Variants in ADH6 observed in about 807,000 individuals in gnomAD.
ADH6 encodes alcohol dehydrogenase 6.
A neutral mutation model predicts 36.5 loss-of-function variants in ADH6; 34 were observed. The observed-to-expected ratio is 0.93, with a 90% CI of 0.71 to 1.24. The LOEUF (loss-of-function observed/expected upper bound fraction) is 1.24, where lower values mean the gene tolerates loss of function less well. Ranked by LOEUF, ADH6 falls within the 50% of genes most tolerant of loss-of-function variation. The probability of loss-of-function intolerance (pLI) is 0.00; values close to 1 mark genes in which losing one functional copy is unlikely to be tolerated. For synonymous variants in ADH6, 161 were observed against 155.5 expected, an observed-to-expected ratio of 1.04 and a Z score of -0.26; for missense variants, 440 against 447.0, an observed-to-expected ratio of 0.98 and a Z score of 0.14.
chr4:99,214,330 T>C (rs1731327180), intron 2 of ADH6, among the ~76,000 whole-genome samples: 1 of 152,132 alleles, frequency 6.6e-6, no homozygotes, highest in Non-Finnish European at 1.5e-5. Flanking sequence ...AGTTCGAGGC[T>C]GCAGTGAGCT....
rs1731298526 is a variant in ADH6 at position 99,213,553 on chromosome 4, T to C, written c.262+53A>G. ...TACTTAAGGGGTGCTTATCATTTTC[T>C]CGAGTTGGTTCCAAGTTGTTGCTGT... is the stretch of plus-strand genomic sequence containing the variant. On this transcript the variant is annotated intron_variant, in intron 3 of 8. Transcript: ENST00000394899. 6 of 1,430,590 alleles carry C rather than the reference T, an allele frequency of 4.2e-6. No individual in the cohort carries two copies. The Admixed American group carries it at 1.6e-4, about 37-fold the overall frequency. 88.6% of individuals were successfully genotyped at this position (1,430,590 alleles called of 1,614,324 possible). A position where few individuals can be genotyped will look rare whatever the true frequency, so the allele number is the denominator to read the frequency against.
In ADH6 at chr4:99,210,109, C is replaced by T. The variant is rs61750824; in HGVS notation, c.540G>A (p.Gly180=). 2.1e-3 allele frequency: 3,374 copies of T among 1,613,690 alleles called. 7 individuals are homozygous for T. The highest frequency in any genetic ancestry group is 2.6e-3 in the Non-Finnish European group (3,077 of 1,179,736). ...VCLISCGFST[G]FGAAINTAKV... ...TGGCAGTATTGATTGCAGCACCAAA[C>T]CCAGTGGAAAAGCCACAGCTAATTA... Residue 180 remains glycine, a synonymous_variant, in exon 5 of 9, where the codon GGG becomes GGA. Transcript: ENST00000394899.
chr4:99,205,476 C>T (rs1730996376), intron 7 of ADH6, among the ~76,000 whole-genome samples: 1 of 152,068 alleles, frequency 6.6e-6, no homozygotes, highest in Non-Finnish European at 1.5e-5. Flanking sequence ...TTTTGATCTG[C>T]CACTTCATAA....
In ADH6 at chr4:99,216,158, T is replaced by A. The variant is rs1560809571; in HGVS notation, c.120+3A>T. On this transcript the variant is annotated splice_donor_region_variant and intron_variant, in intron 2 of 8. Transcript: ENST00000394899. ...TGATTTTTTTTTTTTTTTTTTTTTTTACCTTTATGCGAACTTCCTTTGCCT... is the reference window on the plus strand; with the variant it reads ...TGATTTTTTTTTTTTTTTTTTTTTTAACCTTTATGCGAACTTCCTTTGCCT... 10 of 1,302,012 alleles carry A rather than the reference T, an allele frequency of 7.7e-6. No individual in the cohort carries two copies. The highest frequency in any genetic ancestry group is 2.3e-4 in the Middle Eastern group (1 of 4,392). 80.7% of individuals were successfully genotyped at this position (1,302,012 alleles called of 1,614,324 possible). A position where few individuals can be genotyped will look rare whatever the true frequency, so the allele number is the denominator to read the frequency against.
rs757350119 is a variant in ADH6 at position 99,208,794 on chromosome 4, C to T, written c.702G>A (p.Gln234=). Residue 234 remains glutamine (Q), a synonymous_variant, in exon 6 of 9, where the codon CAG becomes CAA. Transcript: ENST00000394899. ...DVNKEKFKKA[Q]ELGATECLNP... is the part of the protein sequence containing the mutation. ...TGAGGCACTCAGTAGCACCCAATTCCTGTGCCTTCTTAAATTTCTCCTTGT... is the reference window on the plus strand; with the variant it reads ...TGAGGCACTCAGTAGCACCCAATTCTTGTGCCTTCTTAAATTTCTCCTTGT... 11 of 1,613,792 alleles carry T rather than the reference C, an allele frequency of 6.8e-6. No individual in the cohort carries two copies. The highest frequency in any genetic ancestry group is 9.3e-6 in the Non-Finnish European group (11 of 1,179,782).
intron 8 of ADH6, 65 bp downstream of exon 8, chr4:99,204,860 C>T (rs1307504809): frequency 3.9e-6 from 6 of 1,525,064 alleles, no homozygotes; most frequent in Non-Finnish European, 5.3e-6. Flanking sequence ...CTTCTACTCC[C>T]AAGCCAATAC....
intron 7 of ADH6, among the ~76,000 whole-genome samples, chr4:99,206,033 A>C (rs1252278516): frequency 6.6e-6 from 1 of 152,058 alleles, no homozygotes; most frequent in Non-Finnish European, 1.5e-5. Context: ...GTATATTTCT[A>C]TTTGTTTTTA....
At chr4:99,207,343 A>C (rs1296370624) in intron 7 of ADH6, 103 bp downstream of exon 7, 2 of 1,477,220 alleles carry the variant, frequency 1.4e-6, no homozygotes, top group African/African-American at 2.8e-5. Flanking sequence ...TCTGTAATAT[A>C]AAGCTGTTGT....
At chr4:99,211,145 T>C (rs1163679183) in intron 3 of ADH6, among the ~76,000 whole-genome samples, 1 of 137,068 alleles carries the variant, frequency 7.3e-6, no homozygotes, top group East Asian at 1.9e-4. Flanking sequence ...TTTCTTCTAT[T>C]TTATTTATTT....
intron 5 of ADH6, among the ~76,000 whole-genome samples, chr4:99,209,553 G>T (rs1731153213): frequency 6.6e-6 from 1 of 152,090 alleles, no homozygotes; most frequent in South Asian, 2.1e-4. Context: ...TTCAATAGCA[G>T]CCCATTCAGC....
Position 99,203,955 on chromosome 4 carries a change from T to C in ADH6, c.*264A>G. 2.3e-6 allele frequency: 1 copy of C among 434,978 alleles called. No individual in the cohort carries two copies. The highest frequency in any genetic ancestry group is 4.0e-6 in the Non-Finnish European group (1 of 247,172). 26.9% of individuals were successfully genotyped at this position (434,978 alleles called of 1,614,324 possible). ...GCATCTTGCATTGACCTTTTATGTC[T>C]GAAGGATGTGGAGTTGAGTGATTCA... is the stretch of plus-strand genomic sequence containing the variant. On this transcript the variant is annotated 3_prime_UTR_variant, in exon 9 of 9. Coordinates refer to ENST00000394899, the MANE Select transcript of ADH6 (RefSeq NM_001102470.2).
At position 99,213,693 on chromosome 4, in the gene ADH6, A is replaced by G. The variant is rs773239559; in HGVS notation, c.175T>C (p.Leu59=). ...AAGATGGTGGGATACAAGAGGTCCA[A>G]GTGTTTACTCCCCAACACTTTCATC... ...TEMKVLGSKH[L]DLLYPTILGH... Residue 59 remains leucine, a synonymous_variant, in exon 3 of 9, where the codon TTG becomes CTG. Coordinates refer to ENST00000394899, the MANE Select transcript of ADH6 (RefSeq NM_001102470.2). 11 of 1,613,888 alleles carry G rather than the reference A, an allele frequency of 6.8e-6. No homozygotes were observed. Among genetic ancestry groups the G allele is most frequent in the Admixed American group, 3.3e-5 (2 of 59,958 alleles).
In ADH6 at chr4:99,219,162, C is replaced by G. The variant is rs760300700; in HGVS notation, c.-10G>C. 6.2e-7 allele frequency: 1 copy of G among 1,610,350 alleles called. No homozygotes were observed. Among genetic ancestry groups the G allele is most frequent in the South Asian group, 1.1e-5 (1 of 90,972 alleles). On this transcript the variant is annotated 5_prime_UTR_variant, in exon 1 of 9. Transcript: ENST00000394899. ...GGCCTGTAGTACTCATGCTGATTTTCTCCACCGCAGATGAATTTATTGAGA... is the reference window on the plus strand; with the variant it reads ...GGCCTGTAGTACTCATGCTGATTTTGTCCACCGCAGATGAATTTATTGAGA...
intron 7 of ADH6, among the ~76,000 whole-genome samples, chr4:99,205,739 A>G (rs17219626): frequency 0.14 from 20,594 of 152,142 alleles, 1,648 homozygotes; most frequent in Non-Finnish European, 0.18. Flanking sequence ...GTGAGTTACC[A>G]CACAGACTTT....
chr4:99,215,987 A>T, intron 2 of ADH6, 174 bp downstream of exon 2: 1 of 418,526 alleles, frequency 2.4e-6, no homozygotes. Context: ...CTAACCTTTT[A>T]TCTGGCTGGA....
intron 7 of ADH6, among the ~76,000 whole-genome samples, chr4:99,206,720 C>T (rs1293854502): frequency 6.6e-6 from 1 of 152,076 alleles, no homozygotes; most frequent in African/African-American, 2.4e-5. Context: ...CTCTAATTCT[C>T]ATCTCTTTTT....
chr4:99,207,605 G>T, intron 6 of ADH6, 24 bp from the exon 7 acceptor site: 1 of 1,608,074 alleles, frequency 6.2e-7, no homozygotes, highest in Non-Finnish European at 8.5e-7. Flanking sequence ...ATGCAATACA[G>T]TATAGGGGTT....
intron 3 of ADH6, among the ~76,000 whole-genome samples, chr4:99,210,765 C>G (rs1893882): frequency 0.14 from 21,424 of 152,118 alleles, 1,717 homozygotes; most frequent in Non-Finnish European, 0.18. Context: ...AGCTCCTTTT[C>G]AAGTATGAAA....
intron 3 of ADH6, among the ~76,000 whole-genome samples, chr4:99,211,639 A>C (rs1731228755): frequency 6.6e-6 from 1 of 152,186 alleles, no homozygotes; most frequent in African/African-American, 2.4e-5. Context: ...TAAGTTCACT[A>C]ATCAGTTGTC....
Sources: allele counts gnomAD v4.1 joint callset (sites outside exome capture counted in the v4.1 genomes callset), GRCh38; gene constraint gnomAD v4.1.1; transcripts MANE v1.5; gene names NCBI Gene and HGNC (gene_info 2026-07-23, HGNC 2026-07-21).